CAAP1: variants seen among roughly 807,000 people sequenced by gnomAD.
CAAP1 encodes the protein conserved anti-apoptotic protein.
In CAAP1, 20 loss-of-function variants were observed where a neutral mutation model predicts 34.0. The observed-to-expected ratio is 0.59, with a 90% CI of 0.41 to 0.86. The LOEUF (loss-of-function observed/expected upper bound fraction) is 0.86, where lower values mean the gene tolerates loss of function less well. Among genes scored for constraint, CAAP1 ranks in the 40% least tolerant of loss-of-function variants. The pLI, the probability that CAAP1 is intolerant of heterozygous loss-of-function variation, is 0.00. For synonymous variants in CAAP1, 213 were observed against 166.7 expected (o/e 1.28, Z -2.14); for missense variants, 538 against 450.5 (o/e 1.19, Z -1.76).
intron 1 of CAAP1, 21 bp downstream of exon 1, chr9:26,892,392 G>T: frequency 1.2e-6 from 2 of 1,603,088 alleles, no homozygotes; most frequent in South Asian, 1.1e-5. Flanking sequence ...CCAGGAAGCG[G>T]CCAGAGGGGC....
At chr9:26,891,962 C>T (rs1823913850) in intron 1 of CAAP1, among the ~76,000 whole-genome samples, 1 of 152,102 alleles carries the variant, frequency 6.6e-6, no homozygotes, top group African/African-American at 2.4e-5. Flanking sequence ...TGGATTCAAA[C>T]CTAGGAGCTA....
intron 5 of CAAP1, among the ~76,000 whole-genome samples, chr9:26,857,001 T>C (rs1266784693): frequency 1.3e-5 from 2 of 152,262 alleles, no homozygotes; most frequent in East Asian, 3.8e-4. Context: ...ACCAATATTT[T>C]ACTATTGCTG....
intron 4 of CAAP1, among the ~76,000 whole-genome samples, chr9:26,873,574 A>C (rs1021105784): frequency 6.6e-6 from 1 of 152,194 alleles, no homozygotes; most frequent in Non-Finnish European, 1.5e-5. Context: ...TTGGAACATA[A>C]TCATCTAACA....
rs548803136 is a variant in CAAP1 at position 26,872,277 on chromosome 9, T to C, written c.666-11138A>G. On this transcript the variant is annotated intron_variant, in intron 4 of 5. Transcript: ENST00000333916. ...TCTAAATGCCTACCCTGAGCATAAA[T>C]AGCAGTCTGCAGGAAACTCCTGTTT... 4.6e-5 allele frequency among the ~76,000 whole-genome samples: 7 copies of C among 152,238 alleles called. No individual in the cohort carries two copies. In the South Asian group the frequency reaches 6.2e-4, roughly 14 times the overall value.
chr9:26,852,477 G>A (rs2131300980), intron 5 of CAAP1, among the ~76,000 whole-genome samples: 1 of 151,810 alleles, frequency 6.6e-6, no homozygotes, highest in Non-Finnish European at 1.5e-5. Context: ...CAAAAAAAAA[G>A]GGTATTGAGA....
intron 4 of CAAP1, among the ~76,000 whole-genome samples, chr9:26,877,357 T>C (rs970494145): frequency 6.6e-6 from 1 of 152,202 alleles, no homozygotes; most frequent in Non-Finnish European, 1.5e-5. Flanking sequence ...ATACTGAACC[T>C]GTAACATCTA....
At chr9:26,862,810 A>G (rs1260115269) in intron 4 of CAAP1, among the ~76,000 whole-genome samples, 1 of 152,160 alleles carries the variant, frequency 6.6e-6, no homozygotes, top group Non-Finnish European at 1.5e-5. Context: ...AATTTACTCA[A>G]GTTGATACTC....
intron 1 of CAAP1, among the ~76,000 whole-genome samples, chr9:26,889,073 A>G (rs1369502621): frequency 6.6e-6 from 1 of 152,222 alleles, no homozygotes; most frequent in Non-Finnish European, 1.5e-5. Flanking sequence ...CACATATTAT[A>G]TAAACTAAAC....
At chr9:26,871,567 ACT>A (rs1203156423) in intron 4 of CAAP1, among the ~76,000 whole-genome samples, 6 of 149,602 alleles carry the variant, frequency 4.0e-5, no homozygotes, top group Non-Finnish European at 8.9e-5. Context: ...ACACGGCAAA[ACT>A]CTGTCTTTAA....
At chr9:26,870,059 T>TTA (rs1823237414) in intron 4 of CAAP1, 3 of 414,340 alleles carry the variant, frequency 7.2e-6, no homozygotes, top group African/African-American at 6.8e-5. Flanking sequence ...TTTTTTTTTT[T>TTA]AACGCAGATG....
At chr9:26,892,241 T>A in intron 1 of CAAP1, 172 bp downstream of exon 1, 2 of 1,472,110 alleles carry the variant, frequency 1.4e-6, no homozygotes, top group Non-Finnish European at 1.8e-6. Flanking sequence ...AAGACACGGA[T>A]GGGAGTGTGG....
At chr9:26,854,543 T>A (rs1371009257) in intron 5 of CAAP1, among the ~76,000 whole-genome samples, 1 of 152,178 alleles carries the variant, frequency 6.6e-6, no homozygotes, top group Non-Finnish European at 1.5e-5. Context: ...CTCACCTGAA[T>A]AAACATAGTA....
chr9:26,869,052 A>G (rs1823209488), intron 4 of CAAP1, among the ~76,000 whole-genome samples: 1 of 152,210 alleles, frequency 6.6e-6, no homozygotes, highest in Admixed American at 6.5e-5. Context: ...AATGTCTAAT[A>G]TACTGAAAAT....
chr9:26,882,119 A>G (rs1255970845), intron 4 of CAAP1, among the ~76,000 whole-genome samples: 3 of 152,262 alleles, frequency 2.0e-5, no homozygotes, highest in Non-Finnish European at 4.4e-5. Context: ...AAAGGGAAAC[A>G]GAGCGTAAAA....
intron 4 of CAAP1, 47 bp from the exon 5 acceptor site, chr9:26,861,186 A>G (rs1822996067): frequency 1.4e-6 from 2 of 1,382,958 alleles, no homozygotes; most frequent in Non-Finnish European, 2.0e-6. Context: ...ATTTAATCAC[A>G]TAATATTTAC....
At chr9:26,859,584 GTCTAATTATACATGAGGTGTAA>G (rs1008471224) in intron 5 of CAAP1, among the ~76,000 whole-genome samples, 2 of 152,238 alleles carry the variant, frequency 1.3e-5, no homozygotes, top group African/African-American at 2.4e-5. Context: ...TAGCAGTGTA[GTCTAATTATACATGAGGTGTAA>G]TCTAATTATA....
intron 5 of CAAP1, among the ~76,000 whole-genome samples, chr9:26,848,267 ACTTTGGGAGGC>A (rs1412238402): frequency 2.0e-5 from 3 of 152,198 alleles, no homozygotes; most frequent in Admixed American, 6.5e-5. Context: ...GTAACCCAGC[ACTTTGGGAGGC>A]CAAGATGGGC....
chr9:26,860,101 T>C (rs1342658716), intron 5 of CAAP1, among the ~76,000 whole-genome samples: 1 of 152,206 alleles, frequency 6.6e-6, no homozygotes, highest in Non-Finnish European at 1.5e-5. Flanking sequence ...ACATGATAGA[T>C]AACTTAATCT....
At chr9:26,887,067 C>G (rs1358571700) in intron 2 of CAAP1, among the ~76,000 whole-genome samples, 1 of 152,092 alleles carries the variant, frequency 6.6e-6, no homozygotes, top group African/African-American at 2.4e-5. Context: ...CAAAAATTAG[C>G]CGGGCATGGT....
Sources: allele counts gnomAD v4.1 joint callset (sites outside exome capture counted in the v4.1 genomes callset), GRCh38; gene constraint gnomAD v4.1.1; transcripts MANE v1.5; gene names NCBI Gene and HGNC (gene_info 2026-07-23, HGNC 2026-07-21).